Variants in PABPC4L observed in about 807,000 individuals in gnomAD.
PABPC4L encodes the protein poly(A) binding protein cytoplasmic 4 like.
For missense variants in PABPC4L, 452 were observed against 451.4 expected (o/e 1.00, Z -0.01); for synonymous variants, 169 against 164.1 (o/e 1.03, Z -0.23).
the PABPC4L span, among the ~76,000 whole-genome samples, chr4:134,151,891 C>G: frequency 1.3e-5 from 2 of 151,514 alleles, no homozygotes. Context: ...AAATTCCCAT[C>G]ATGAAATTAA....
the PABPC4L span, among the ~76,000 whole-genome samples, chr4:134,045,731 C>G: frequency 1.1e-4 from 17 of 152,090 alleles, 1 homozygote; most frequent in African/African-American, 3.9e-4. Context: ...ATCCTCTGTC[C>G]TTTTGAACCA....
the PABPC4L span, among the ~76,000 whole-genome samples, chr4:134,061,054 C>T: frequency 0.02 from 3,007 of 151,976 alleles, 54 homozygotes; most frequent in Non-Finnish European, 0.033. Flanking sequence ...TTCAATTGTG[C>T]ATTTAAAAAT....
the PABPC4L span, among the ~76,000 whole-genome samples, chr4:134,088,034 A>AACTGACC: frequency 2.0e-5 from 3 of 151,954 alleles, no homozygotes; most frequent in Non-Finnish European, 4.4e-5. Context: ...TTCTTGTCTT[A>AACTGACC]ACTGACCACC....
chr4:133,989,465 CACA>C, the PABPC4L span, among the ~76,000 whole-genome samples: 31 of 152,286 alleles, frequency 2.0e-4, no homozygotes, highest in African/African-American at 7.2e-4. Context: ...CACTTGATTT[CACA>C]ACAAGTTTCT....
the PABPC4L span, among the ~76,000 whole-genome samples, chr4:134,049,581 C>G: frequency 6.6e-6 from 1 of 152,008 alleles, no homozygotes; most frequent in Non-Finnish European, 1.5e-5. Context: ...AAACTAGCCT[C>G]CAGAGTAACA....
chr4:134,016,303 C>T, the PABPC4L span, among the ~76,000 whole-genome samples: 3 of 152,144 alleles, frequency 2.0e-5, no homozygotes, highest in African/African-American at 4.8e-5. Context: ...TCTAAATATG[C>T]CTTCCATATC....
chr4:134,046,014 T>C, the PABPC4L span, among the ~76,000 whole-genome samples: 1 of 152,034 alleles, frequency 6.6e-6, no homozygotes, highest in African/African-American at 2.4e-5. Flanking sequence ...TCCACACCTG[T>C]GAGTATTTCT....
At chr4:134,028,107 C>T in the PABPC4L span, among the ~76,000 whole-genome samples, 5 of 152,088 alleles carry the variant, frequency 3.3e-5, no homozygotes, top group Non-Finnish European at 7.4e-5. Context: ...GTTAGAAATG[C>T]AAATTCTTGG....
the PABPC4L span, among the ~76,000 whole-genome samples, chr4:134,050,741 C>G: frequency 7.8e-6 from 1 of 127,916 alleles, no homozygotes; most frequent in African/African-American, 3.1e-5. Flanking sequence ...AAAGACAACA[C>G]GTAAGGATAT....
At chr4:133,948,860 C>G in the PABPC4L span, among the ~76,000 whole-genome samples, 1 of 152,094 alleles carries the variant, frequency 6.6e-6, no homozygotes, top group African/African-American at 2.4e-5. Flanking sequence ...TGTCTGAGAT[C>G]AGTTATCTTA....
the PABPC4L span, among the ~76,000 whole-genome samples, chr4:134,003,906 T>A: frequency 6.6e-6 from 1 of 151,930 alleles, no homozygotes; most frequent in South Asian, 2.1e-4. Context: ...ATAAGCTAGG[T>A]ATGATTAAGA....
chr4:134,024,514 G>A, the PABPC4L span, among the ~76,000 whole-genome samples: 31 of 152,210 alleles, frequency 2.0e-4, no homozygotes, highest in South Asian at 1.2e-3. Flanking sequence ...TGGGTGAAGA[G>A]GGAGAGCTGT....
At chr4:133,957,621 C>T in the PABPC4L span, among the ~76,000 whole-genome samples, 22 of 152,226 alleles carry the variant, frequency 1.4e-4, no homozygotes, top group African/African-American at 5.3e-4. Flanking sequence ...ACCCCACATT[C>T]TCTTTCTGCA....
At chr4:134,081,916 T>C in the PABPC4L span, among the ~76,000 whole-genome samples, 1 of 152,042 alleles carries the variant, frequency 6.6e-6, no homozygotes, top group African/African-American at 2.4e-5. Context: ...ATGCTGACAA[T>C]TGACAACACT....
the PABPC4L span, among the ~76,000 whole-genome samples, chr4:134,183,326 G>T: frequency 2.6e-5 from 4 of 151,726 alleles, no homozygotes. Context: ...TGGAGCTGGA[G>T]GCCATTATCC....
At chr4:134,008,479 T>A in the PABPC4L span, among the ~76,000 whole-genome samples, 1 of 151,330 alleles carries the variant, frequency 6.6e-6, no homozygotes, top group South Asian at 2.1e-4. Context: ...CCTAAATAAC[T>A]CAGAAGGTAA....
the PABPC4L span, among the ~76,000 whole-genome samples, chr4:134,162,015 C>A: frequency 6.6e-6 from 1 of 151,718 alleles, no homozygotes; most frequent in Non-Finnish European, 1.5e-5. Flanking sequence ...GTTAAGTTTT[C>A]ATCAGTTTAA....
the PABPC4L span, among the ~76,000 whole-genome samples, chr4:134,155,269 A>C: frequency 6.6e-6 from 1 of 152,156 alleles, no homozygotes; most frequent in Admixed American, 6.6e-5. Context: ...TAGACTTCTT[A>C]TTCAAGTCAT....
At chr4:133,976,420 G>A in the PABPC4L span, among the ~76,000 whole-genome samples, 1,448 of 152,164 alleles carry the variant, frequency 9.5e-3, 21 homozygotes, top group African/African-American at 0.033. Flanking sequence ...GAACATATGC[G>A]TGTACATATC....
Sources: gnomAD v4.1 joint callset for allele counts (sites outside exome capture counted in the v4.1 genomes callset) on GRCh38, gnomAD v4.1.1 for gene constraint, MANE v1.5 for transcripts, NCBI Gene and HGNC (gene_info 2026-07-23, HGNC 2026-07-21) for gene names.